The following ZNF804B variants were observed in gnomAD, a reference collection of about 807,000 sequenced individuals.
ZNF804B encodes zinc finger 804B.
In ZNF804B, 80 loss-of-function variants were observed where a neutral mutation model predicts 101.4. The observed-to-expected ratio is 0.79, with a 90% confidence interval of 0.66 to 0.95. The LOEUF is 0.95. ZNF804B is among the 40% of genes least tolerant of loss of function. The pLI, the probability that ZNF804B is intolerant of heterozygous loss-of-function variation, is 0.00. For missense variants in ZNF804B, 1,673 were observed against 1,561.9 expected (o/e 1.07, Z -1.20); for synonymous variants, 622 against 558.8 (o/e 1.11, Z -1.59).
At position 89,271,992 on chromosome 7, in the gene ZNF804B, C is replaced by T. The variant is rs980009919; in HGVS notation, c.249+53697C>T. 4.6e-5 allele frequency among the ~76,000 whole-genome samples: 7 copies of T among 151,828 alleles called. No individual in the cohort carries two copies. In the East Asian group the frequency reaches 1.3e-3, roughly 29 times the overall value. On this transcript the variant is annotated intron_variant, in intron 2 of 3. Coordinates refer to ENST00000333190, the MANE Select transcript of ZNF804B (RefSeq NM_181646.5). Reference sequence around the variant, plus strand: ...AGGAAGTTAAGGATTTTTTAAAAACCTTCATTGTGTCTTTTTAGCTTACAA... The same window carrying T: ...AGGAAGTTAAGGATTTTTTAAAAACTTTCATTGTGTCTTTTTAGCTTACAA...
chr7:89,054,179 T>C (rs1050705503), intron 1 of ZNF804B, among the ~76,000 whole-genome samples: 1 of 151,776 alleles, frequency 6.6e-6, no homozygotes. Flanking sequence ...TCCTGCTGTG[T>C]TCTTCTCTTC....
intron 1 of ZNF804B, among the ~76,000 whole-genome samples, chr7:88,801,713 C>T (rs1186980992): frequency 6.6e-6 from 1 of 151,480 alleles, no homozygotes; most frequent in East Asian, 1.9e-4. Context: ...AAAAAAGAAA[C>T]AAAATTACTG....
chr7:89,245,846 G>A (rs1000636263), intron 2 of ZNF804B, among the ~76,000 whole-genome samples: 5 of 152,142 alleles, frequency 3.3e-5, no homozygotes, highest in South Asian at 2.1e-4. Flanking sequence ...CCTAGCACAC[G>A]AGAAAGGCAG....
chr7:89,101,235 A>T (rs1338808845), intron 1 of ZNF804B, among the ~76,000 whole-genome samples: 1 of 151,478 alleles, frequency 6.6e-6, no homozygotes, highest in Non-Finnish European at 1.5e-5. Context: ...TCCGGCAGGC[A>T]TGTTTAGCTT....
At chr7:89,126,668 C>T (rs1318652773) in intron 1 of ZNF804B, among the ~76,000 whole-genome samples, 1 of 151,482 alleles carries the variant, frequency 6.6e-6, no homozygotes, top group Non-Finnish European at 1.5e-5. Flanking sequence ...TGTGTGGTGG[C>T]CCTTTTATTT....
intron 1 of ZNF804B, among the ~76,000 whole-genome samples, chr7:88,993,223 A>G (rs559069346): frequency 2.8e-4 from 42 of 152,192 alleles, no homozygotes; most frequent in Non-Finnish European, 4.9e-4. Context: ...CATTAGGAAG[A>G]AGGTATGAAA....
At chr7:88,779,984 G>C (rs921569869) in intron 1 of ZNF804B, among the ~76,000 whole-genome samples, 2 of 152,092 alleles carry the variant, frequency 1.3e-5, no homozygotes, top group African/African-American at 4.8e-5. Context: ...CTGATTTAGA[G>C]TGGGTCAAAA....
At chr7:89,303,335 T>C (rs1398852820) in intron 2 of ZNF804B, among the ~76,000 whole-genome samples, 2 of 151,934 alleles carry the variant, frequency 1.3e-5, no homozygotes, top group African/African-American at 4.8e-5. Context: ...CTAGAAAATA[T>C]AACTATTTTG....
At chr7:89,269,612 A>G (rs1789852365) in intron 2 of ZNF804B, among the ~76,000 whole-genome samples, 1 of 152,098 alleles carries the variant, frequency 6.6e-6, no homozygotes, top group Non-Finnish European at 1.5e-5. Flanking sequence ...TGGTATTTCT[A>G]GTTCTAGGTC....
chr7:89,312,655 G>T (rs929921860), intron 2 of ZNF804B, among the ~76,000 whole-genome samples: 1 of 151,974 alleles, frequency 6.6e-6, no homozygotes, highest in African/African-American at 2.4e-5. Context: ...AAATACTTTA[G>T]CCCATTTCAC....
chr7:88,780,285 A>C (rs768806059), intron 1 of ZNF804B, among the ~76,000 whole-genome samples: 2 of 152,128 alleles, frequency 1.3e-5, no homozygotes, highest in African/African-American at 2.4e-5. Flanking sequence ...AAAACTAAAA[A>C]TTAGAGACAT....
At chr7:88,827,610 T>C (rs1791068525) in intron 1 of ZNF804B, among the ~76,000 whole-genome samples, 1 of 152,134 alleles carries the variant, frequency 6.6e-6, no homozygotes, top group Non-Finnish European at 1.5e-5. Flanking sequence ...TACTTTTATC[T>C]GTACTTTACT....
chr7:89,312,478 G>A (rs1790661141), intron 2 of ZNF804B, among the ~76,000 whole-genome samples: 1 of 152,152 alleles, frequency 6.6e-6, no homozygotes, highest in Admixed American at 6.5e-5. Flanking sequence ...GCACACCAGA[G>A]TAATTTCTTC....
At chr7:88,972,443 A>G (rs1219752471) in intron 1 of ZNF804B, among the ~76,000 whole-genome samples, 2 of 151,378 alleles carry the variant, frequency 1.3e-5, no homozygotes, top group Non-Finnish European at 3.0e-5. Flanking sequence ...AGGAAGCTGT[A>G]TTTTATTCAG....
At chr7:88,975,903 T>A (rs1346282885) in intron 1 of ZNF804B, among the ~76,000 whole-genome samples, 1 of 151,656 alleles carries the variant, frequency 6.6e-6, no homozygotes, top group Non-Finnish European at 1.5e-5. Context: ...AGTTTAATAG[T>A]TTGGGATCTC....
At chr7:89,015,589 T>C (rs1788538640) in intron 1 of ZNF804B, among the ~76,000 whole-genome samples, 1 of 151,896 alleles carries the variant, frequency 6.6e-6, no homozygotes, top group Non-Finnish European at 1.5e-5. Flanking sequence ...ATGCAGTGTT[T>C]GGTTTTTTGT....
At chr7:89,128,419 T>A (rs1790503937) in intron 1 of ZNF804B, among the ~76,000 whole-genome samples, 1 of 152,012 alleles carries the variant, frequency 6.6e-6, no homozygotes, top group Non-Finnish European at 1.5e-5. Flanking sequence ...TGTGCCAATT[T>A]AAAATAAATA....
chr7:88,941,540 T>C (rs1269165895), intron 1 of ZNF804B, among the ~76,000 whole-genome samples: 2 of 151,982 alleles, frequency 1.3e-5, no homozygotes, highest in Admixed American at 1.3e-4. Context: ...ATTCCAACTA[T>C]ATGACCTTCT....
rs1002720792 is a variant in ZNF804B at position 89,173,383 on chromosome 7, G to A, written c.109-44772G>A. On this transcript the variant is annotated intron_variant, in intron 1 of 3. Coordinates refer to ENST00000333190, the MANE Select transcript of ZNF804B (RefSeq NM_181646.5). ...AGATTTTAGAATATCACATAAGTATGAAAATAATTATGTTAAATCTATACA... is the reference window on the plus strand; with the variant it reads ...AGATTTTAGAATATCACATAAGTATAAAAATAATTATGTTAAATCTATACA... Among the ~76,000 whole-genome samples, 4 of 151,750 alleles carry A rather than the reference G, an allele frequency of 2.6e-5. No homozygotes were observed. In the South Asian group the frequency reaches 8.3e-4, roughly 32 times the overall value.
Sources: gnomAD v4.1 joint callset for allele counts (sites outside exome capture counted in the v4.1 genomes callset) on GRCh38, gnomAD v4.1.1 for gene constraint, MANE v1.5 for transcripts, NCBI Gene and HGNC (gene_info 2026-07-23, HGNC 2026-07-21) for gene names.